The following NR4A1 variants were observed in gnomAD, a reference collection of about 807,000 sequenced individuals.
NR4A1 encodes the protein nuclear receptor subfamily 4immunitygroup A member 1.
In NR4A1, 24 loss-of-function variants were observed where a neutral mutation model predicts 47.5. The ratio of observed to expected loss-of-function variants is 0.50; its 90% confidence interval spans 0.37 to 0.71. NR4A1 has a LOEUF of 0.71. Ranked by LOEUF, NR4A1 falls within the 30% of genes least tolerant of loss-of-function variation. NR4A1 has a pLI of 0.00. For synonymous variants in NR4A1, 353 were observed against 345.7 expected (o/e 1.02, Z -0.24); for missense variants, 669 against 788.6 (o/e 0.85, Z 1.82).
intron 1 of NR4A1, among the ~76,000 whole-genome samples, chr12:52,035,288 A>C (rs902639304): frequency 6.6e-6 from 1 of 152,224 alleles, no homozygotes; most frequent in Non-Finnish European, 1.5e-5. Flanking sequence ...TTTGATTATA[A>C]ATAGGAGAAT....
rs200503008 is a variant in NR4A1 at position 52,056,445 on chromosome 12, G to A, written c.1007-49G>A. 122 of 1,593,968 alleles carry A rather than the reference G, an allele frequency of 7.7e-5. No individual in the cohort carries two copies. The East Asian group carries it at 2.7e-3, about 35-fold the overall frequency. ...TGGTGTGCACGGCTTGGGCTGAGAG[G>A]CCCTTCCTCAGATCCCTTCCTTCCT... On this transcript the variant is annotated intron_variant, in intron 3 of 6. Transcript: ENST00000394825.
At position 52,054,014 on chromosome 12, in the gene NR4A1, C is replaced by T. The variant is rs961326347; in HGVS notation, c.-2-313C>T. 2.1e-5 allele frequency: 7 copies of T among 335,980 alleles called. 1 individual carries two copies. The allele number at this position is 335,980 out of a possible 1,614,324, so 20.8% of individuals were successfully genotyped here. A position where few individuals can be genotyped will look rare whatever the true frequency, so the allele number is the denominator to read the frequency against. The stretch of plus-strand genomic sequence containing the variant: ...GCAGGGGGCTGGAGGAACACAGCTT[C>T]CCCCTGTTCTAGCAGAGAAATGCTG... On this transcript the variant is annotated intron_variant, in intron 1 of 6. Transcript: ENST00000394825.
chr12:52,056,297 T>C (rs1257516877), intron 3 of NR4A1, 138 bp downstream of exon 3: 4 of 1,413,484 alleles, frequency 2.8e-6, no homozygotes, highest in Admixed American at 4.9e-5. Flanking sequence ...ACCCCAGGCC[T>C]TGGAGGGAGG....
At chr12:52,037,414 T>C in intron 1 of NR4A1, 1 of 978,172 alleles carries the variant, frequency 1.0e-6, no homozygotes, top group Non-Finnish European at 1.2e-6. Flanking sequence ...AAAGCGGGGG[T>C]GGAGAGGCGA....
At chr12:52,027,087 A>G (rs1268653827) in intron 1 of NR4A1, among the ~76,000 whole-genome samples, 1 of 152,228 alleles carries the variant, frequency 6.6e-6, no homozygotes, top group Admixed American at 6.5e-5. Context: ...ACAAATCTCC[A>G]TAGGGAGACT....
chr12:52,058,594 T>C (rs1392614475), intron 6 of NR4A1, 94 bp from the exon 7 acceptor site: 2 of 1,399,434 alleles, frequency 1.4e-6, no homozygotes, highest in East Asian at 5.1e-5. Flanking sequence ...GCATGAGGGG[T>C]GGTCAGGGGC....
upstream of NR4A1, among the ~76,000 whole-genome samples, chr12:52,047,947 G>A (rs1162400761): frequency 6.6e-6 from 1 of 152,100 alleles, no homozygotes; most frequent in East Asian, 1.9e-4. Context: ...GAGGTCAGGA[G>A]ATCGAGACTA....
At position 52,059,463 on chromosome 12, in the gene NR4A1, A is replaced by G. The variant is rs541253697; in HGVS notation, c.*519A>G. 3 of 152,492 alleles carry G rather than the reference A, an allele frequency of 2.0e-5. No individual in the cohort carries two copies. The East Asian group carries it at 5.8e-4, about 29-fold the overall frequency. The allele number at this position is 152,492 out of a possible 1,614,324, so 9.4% of individuals were successfully genotyped here. On this transcript the variant is annotated 3_prime_UTR_variant, in exon 7 of 7. Transcript: ENST00000394825. ...ATAGTATGTGACTTTTCTGATTAAT[A>G]TATTTAATATATTGAATAAAAAATA...
chr12:52,037,632 G>T, intron 1 of NR4A1: 1 of 985,474 alleles, frequency 1.0e-6, no homozygotes, highest in Non-Finnish European at 1.2e-6. Context: ...CGACGGCCAA[G>T]GCTTTCTCTC....
Position 52,054,461 on chromosome 12 carries a change from G to GCTGCCCCCA in NR4A1, c.140_148dup (p.Pro47_Ala49dup), listed in dbSNP as rs1939140331. 1.2e-6 allele frequency: 2 copies of GCTGCCCCCA among 1,613,418 alleles called. No homozygotes were observed. The highest frequency in any genetic ancestry group is 1.1e-5 in the South Asian group (1 of 91,072). ...CCTGGCCAGCCCCGAGGCAGCCCCC[G>GCTGCCCCCA]CTGCCCCCACTGCCCTGCCCAGCTT... On this transcript the variant is annotated inframe_insertion, in exon 2 of 7. Coordinates refer to ENST00000394825, the MANE Select transcript of NR4A1 (RefSeq NM_173157.3).
Position 52,058,769 on chromosome 12 carries a change from C to T in NR4A1, c.1622C>T (p.Ala541Val), listed in dbSNP as rs1939408963. ...AGCTGCCTGAAGGAGCACGTGGCAG[C>T]TGTGGCGGGCGAGCCCCAGCCAGCC... is the stretch of plus-strand genomic sequence containing the variant. The part of the protein sequence containing the change: ...IASCLKEHVA[A>V]VAGEPQPASC... Residue 541 changes from alanine (A) to valine (V), a missense_variant, in exon 7 of 7, where the codon GCT becomes GTT. Transcript: ENST00000394825. The T allele has an allele frequency of 2.5e-6, 4 of 1,609,932 alleles. No individual in the cohort carries two copies. Among genetic ancestry groups the T allele is most frequent in the Non-Finnish European group, 3.4e-6 (4 of 1,179,136 alleles).
intron 2 of NR4A1, chr12:52,043,786 A>T: frequency 7.8e-7 from 1 of 1,287,748 alleles, no homozygotes; most frequent in South Asian, 1.2e-5. Context: ...GCTGGGCAGC[A>T]CGTCTCTCCC....
chr12:52,055,071 C>T lies in NR4A1; in HGVS notation c.743C>T (p.Thr248Ile), dbSNP rs1939187037. 6.2e-7 allele frequency: 1 copy of T among 1,614,262 alleles called. No individual in the cohort carries two copies. Among genetic ancestry groups the T allele is most frequent in the Non-Finnish European group, 8.5e-7 (1 of 1,180,052 alleles). The change falls in exon 2 of 7, where the codon ACA (threonine) becomes ATA (isoleucine). Residue 248 changes from threonine (T) to isoleucine (I), a missense_variant. By Grantham distance (89) the Thr-to-Ile change is moderately conservative (BLOSUM62 -1). Transcript: ENST00000394825. Reference sequence around the variant, plus strand: ...CTTGAGGGCTCGGGGATACTGGATACACCCGTGACCTCAACCAAGGCCCGG... The same window carrying T: ...CTTGAGGGCTCGGGGATACTGGATATACCCGTGACCTCAACCAAGGCCCGG... ...PHLEGSGILD[T>I]PVTSTKARSG...
chr12:52,046,767 A>G (rs1938661149), upstream of NR4A1, among the ~76,000 whole-genome samples: 1 of 152,294 alleles, frequency 6.6e-6, no homozygotes, highest in East Asian at 1.9e-4. Context: ...GCGGATCACG[A>G]GGTCAGGAGA....
intron 2 of NR4A1, chr12:52,042,049 A>T: frequency 8.7e-7 from 1 of 1,153,240 alleles, no homozygotes. Flanking sequence ...AGCCCTGGGG[A>T]GGTGGCAGCC....
chr12:52,056,530 G>A lies in NR4A1; in HGVS notation c.1043G>A (p.Arg348Gln). Residue 348 changes from arginine to glutamine, a missense_variant, in exon 4 of 7, where the codon CGG becomes CAG. Physicochemically the swap from Arg to Gln is conservative, Grantham distance 43 (BLOSUM62 1). Transcript: ENST00000394825. ...RTDSLKGRRG[R>Q]LPSKPKQPPD... ...GACAGCCTGAAGGGGCGGCGGGGCC[G>A]GCTACCTTCAAAACCCAAGCAGCCC... 1.9e-6 allele frequency: 3 copies of A among 1,613,432 alleles called. No homozygotes were observed. Among genetic ancestry groups the A allele is most frequent in the Non-Finnish European group, 2.5e-6 (3 of 1,179,776 alleles).
intron 1 of NR4A1, chr12:52,052,783 C>A: frequency 1.9e-6 from 1 of 519,770 alleles, no homozygotes; most frequent in African/African-American, 2.1e-5. Context: ...TGCCCAACTG[C>A]TGTCTTTCCT....
chr12:52,043,310 C>T (rs1425320658), intron 2 of NR4A1: 1 of 160,782 alleles, frequency 6.2e-6, no homozygotes, highest in African/African-American at 2.4e-5. Context: ...CCTACATCCG[C>T]CCCCAGTCCA....
chr12:52,033,848 C>A (rs1338425816), intron 1 of NR4A1, among the ~76,000 whole-genome samples: 1 of 152,242 alleles, frequency 6.6e-6, no homozygotes, highest in Non-Finnish European at 1.5e-5. Flanking sequence ...CCTTCCACAG[C>A]CCCTCTCCTT....
Sources: gnomAD v4.1 joint callset for allele counts (sites outside exome capture counted in the v4.1 genomes callset) on GRCh38, gnomAD v4.1.1 for gene constraint, MANE v1.5 for transcripts, NCBI Gene and HGNC (gene_info 2026-07-23, HGNC 2026-07-21) for gene names.